The following KCNJ6 variants were observed in gnomAD, a reference collection of about 807,000 sequenced individuals.
The protein encoded by KCNJ6 is G protein-activated inward rectifier potassium channel 2.
Under a neutral mutation model 34.2 loss-of-function variants are expected in KCNJ6, and 9 were observed. The observed-to-expected ratio is 0.26, with a 90% CI of 0.16 to 0.46. The LOEUF (loss-of-function observed/expected upper bound fraction) is 0.46, where lower values mean the gene tolerates loss of function less well. Among genes scored for constraint, KCNJ6 ranks in the 20% least tolerant of loss-of-function variants. The probability of loss-of-function intolerance (pLI) is 1.00; values close to 1 mark genes in which losing one functional copy is unlikely to be tolerated. For synonymous variants in KCNJ6, 196 were observed against 207.1 expected (o/e 0.95, Z 0.46); for missense variants, 236 against 531.3 (o/e 0.44, Z 5.46).
At chr21:37,863,566 T>A (rs181824487) in intron 1 of KCNJ6, among the ~76,000 whole-genome samples, 1 of 152,270 alleles carries the variant, frequency 6.6e-6, no homozygotes, top group East Asian at 1.9e-4. Flanking sequence ...ATGCACAGGG[T>A]GTGGTTGATA....
At chr21:37,659,879 A>G (rs969689321) in intron 3 of KCNJ6, among the ~76,000 whole-genome samples, 1 of 152,266 alleles carries the variant, frequency 6.6e-6, no homozygotes, top group East Asian at 1.9e-4. Flanking sequence ...CTCTGGCAAC[A>G]TGGCTGTCTA....
At chr21:37,670,632 G>A (rs1204782967) in intron 3 of KCNJ6, among the ~76,000 whole-genome samples, 1 of 152,172 alleles carries the variant, frequency 6.6e-6, no homozygotes, top group Non-Finnish European at 1.5e-5. Context: ...GGGCATGGTG[G>A]TGCATGCTTG....
rs1204775827 is a variant in KCNJ6, at chr21:37,608,514, T to C, written c.*16645A>G. 1 of 152,256 alleles carries C rather than the reference T, an allele frequency of 6.6e-6. No homozygotes were observed. Among genetic ancestry groups the C allele is most frequent in the Non-Finnish European group, 1.5e-5 (1 of 68,034 alleles). 9.4% of individuals were successfully genotyped at this position (152,256 alleles called of 1,614,324 possible). Reference sequence around the variant, plus strand: ...AGTCTTTGAGAAATGTCAGGGCAAATGTCCCTTTCTTCCTCATGAGGCCAT... The same window carrying C: ...AGTCTTTGAGAAATGTCAGGGCAAACGTCCCTTTCTTCCTCATGAGGCCAT... On this transcript the variant is annotated 3_prime_UTR_variant, in exon 4 of 4. Transcript: ENST00000609713.
intron 2 of KCNJ6, among the ~76,000 whole-genome samples, chr21:37,828,854 C>A (rs1038570782): frequency 6.6e-6 from 1 of 152,218 alleles, no homozygotes; most frequent in Non-Finnish European, 1.5e-5. Context: ...CTACTCTGTA[C>A]CCTCCAGGCT....
chr21:37,911,900 A>G (rs976347318), intron 1 of KCNJ6, among the ~76,000 whole-genome samples: 1 of 152,200 alleles, frequency 6.6e-6, no homozygotes, highest in East Asian at 1.9e-4. Context: ...TTAATCTCCA[A>G]TGAATTTTTT....
intron 2 of KCNJ6, among the ~76,000 whole-genome samples, chr21:37,785,022 A>C (rs2055186472): frequency 6.6e-6 from 1 of 152,188 alleles, no homozygotes; most frequent in Admixed American, 6.5e-5. Context: ...TTTGAGAGCA[A>C]GTGTTTTAAG....
At chr21:37,883,568 G>C (rs867479366) in intron 1 of KCNJ6, among the ~76,000 whole-genome samples, 6 of 152,264 alleles carry the variant, frequency 3.9e-5, no homozygotes, top group Middle Eastern at 3.4e-3. Flanking sequence ...CCAGGCGGCG[G>C]GCACCGTCTT....
chr21:37,741,082 A>T (rs1217288135), intron 2 of KCNJ6, among the ~76,000 whole-genome samples: 1 of 152,224 alleles, frequency 6.6e-6, no homozygotes, highest in Non-Finnish European at 1.5e-5. Context: ...TGACTTCCTC[A>T]TCTAGCTCTC....
At chr21:37,706,522 G>A (rs1253984944) in intron 3 of KCNJ6, among the ~76,000 whole-genome samples, 1 of 152,204 alleles carries the variant, frequency 6.6e-6, no homozygotes, top group Non-Finnish European at 1.5e-5. Context: ...TGTAGGGGCT[G>A]CTCCTTCAGT....
chr21:37,761,756 A>G (rs907713362), intron 2 of KCNJ6, among the ~76,000 whole-genome samples: 1 of 147,186 alleles, frequency 6.8e-6, no homozygotes, highest in Non-Finnish European at 1.5e-5. Context: ...GTATGTGTGT[A>G]TGTGTTGTGT....
chr21:37,762,579 G>C (rs967274945), intron 2 of KCNJ6, among the ~76,000 whole-genome samples: 7 of 152,198 alleles, frequency 4.6e-5, no homozygotes, highest in Admixed American at 4.6e-4. Context: ...AGGCAATGGG[G>C]ACCCTGTTGA....
At chr21:37,659,330 A>T (rs2835879) in intron 3 of KCNJ6, among the ~76,000 whole-genome samples, 26,501 of 152,144 alleles carry the variant, frequency 0.17, 4,010 homozygotes, top group African/African-American at 0.41. Flanking sequence ...GACCCAAGGG[A>T]GGCAGGGTGA....
chr21:37,680,443 G>A (rs2054585689), intron 3 of KCNJ6, among the ~76,000 whole-genome samples: 1 of 152,128 alleles, frequency 6.6e-6, no homozygotes, highest in Non-Finnish European at 1.5e-5. Context: ...AGACTATGAC[G>A]GTTAATTTTA....
At chr21:37,844,375 G>C (rs558424609) in intron 1 of KCNJ6, among the ~76,000 whole-genome samples, 1 of 152,046 alleles carries the variant, frequency 6.6e-6, no homozygotes, top group Admixed American at 6.6e-5. Context: ...ATATTTTAAA[G>C]TTGGTCTTCC....
At chr21:37,797,524 A>G (rs895591236) in intron 2 of KCNJ6, among the ~76,000 whole-genome samples, 1 of 152,198 alleles carries the variant, frequency 6.6e-6, no homozygotes, top group African/African-American at 2.4e-5. Flanking sequence ...TATTTCCCTG[A>G]CAGAATTATA....
At chr21:37,627,867 C>A (rs926523742) in intron 3 of KCNJ6, among the ~76,000 whole-genome samples, 1 of 152,130 alleles carries the variant, frequency 6.6e-6, no homozygotes, top group Non-Finnish European at 1.5e-5. Flanking sequence ...TGCATAGAGA[C>A]CCTTGACAAA....
chr21:37,619,545 A>G lies in KCNJ6; in HGVS notation c.*5614T>C, dbSNP rs1294622924. ...GCTAGAGAGAGCAAAAACTAGCGCA[A>G]TTAAACATGAGCTAGTTCCAGGTTC... On this transcript the variant is annotated 3_prime_UTR_variant, in exon 4 of 4. Transcript: ENST00000609713. The G allele has an allele frequency of 1.3e-5, 2 of 152,240 alleles. No individual in the cohort carries two copies. The highest frequency in any genetic ancestry group is 2.1e-4 in the South Asian group (1 of 4,834). 9.4% of individuals were successfully genotyped at this position (152,240 alleles called of 1,614,324 possible). A position where few individuals can be genotyped will look rare whatever the true frequency, so the allele number is the denominator to read the frequency against.
intron 2 of KCNJ6, among the ~76,000 whole-genome samples, chr21:37,744,770 G>A (rs73206035): frequency 0.15 from 23,396 of 152,152 alleles, 2,340 homozygotes; most frequent in South Asian, 0.27. Flanking sequence ...AGGCAACAGT[G>A]GGGGGTGTGT....
chr21:37,749,365 A>G (rs2123481840), intron 2 of KCNJ6, among the ~76,000 whole-genome samples: 1 of 152,300 alleles, frequency 6.6e-6, no homozygotes, highest in Non-Finnish European at 1.5e-5. Flanking sequence ...AGGCCAGGCA[A>G]GCACCAGCAC....
Sources: allele counts gnomAD v4.1 joint callset (sites outside exome capture counted in the v4.1 genomes callset), GRCh38; gene constraint gnomAD v4.1.1; transcripts MANE v1.5; gene names NCBI Gene and HGNC (gene_info 2026-07-23, HGNC 2026-07-21).